ZNF75A: variants seen among roughly 807,000 people sequenced by gnomAD.
ZNF75A encodes the protein zinc finger protein 75A.
A neutral mutation model predicts 46.3 loss-of-function variants in ZNF75A; 36 were observed. The ratio of observed to expected loss-of-function variants is 0.78; its 90% CI spans 0.60 to 1.03. The LOEUF (loss-of-function observed/expected upper bound fraction) is 1.03, where lower values mean the gene tolerates loss of function less well. ZNF75A is among the 50% of genes least tolerant of loss of function. ZNF75A has a pLI of 0.00. For missense variants in ZNF75A, 595 were observed against 551.3 expected, an observed-to-expected ratio of 1.08 and a Z score of -0.79; for synonymous variants, 234 against 189.9, an observed-to-expected ratio of 1.23 and a Z score of -1.91.
chr16:3,311,150 C>A (rs1307001773), intron 2 of ZNF75A, among the ~76,000 whole-genome samples: 2 of 152,082 alleles, frequency 1.3e-5, no homozygotes, highest in Admixed American at 1.3e-4. Context: ...AATGAGTGGC[C>A]TGCCTGGCTG....
rs532175874 is a variant in ZNF75A at position 3,308,582 on chromosome 16, C to T, written c.154C>T (p.Arg52Trp). ...TCCTAAGAGCTCTTGCTGGCACTTCCGGAATTTCACCTATGATGAAGCAGG... is the reference window on the plus strand; with the variant it reads ...TCCTAAGAGCTCTTGCTGGCACTTCTGGAATTTCACCTATGATGAAGCAGG... ...LDPKSSCWHF[R>W]NFTYDEAGGP... Residue 52 changes from arginine to tryptophan, a missense_variant, in exon 2 of 7, where the codon CGG (arginine) becomes TGG (tryptophan). Physicochemically the swap from Arg to Trp is moderately radical, Grantham distance 101 (BLOSUM62 -3). Coordinates refer to ENST00000669516, the MANE Select transcript of ZNF75A (RefSeq NM_001302109.2). The T allele has an allele frequency of 3.7e-5, 36 of 985,930 alleles. No homozygotes were observed. The highest frequency in any genetic ancestry group is 1.2e-4 in the Admixed American group (2 of 16,288). 61.1% of individuals were successfully genotyped at this position (985,930 alleles called of 1,614,324 possible).
In ZNF75A at chr16:3,318,375, C is replaced by G; in HGVS notation, c.*506C>G. The G allele has an allele frequency of 2.0e-6, 2 of 987,374 alleles. No individual in the cohort carries two copies. The highest frequency in any genetic ancestry group is 9.3e-5 in the South Asian group (2 of 21,406). 61.2% of individuals were successfully genotyped at this position (987,374 alleles called of 1,614,324 possible). ...TGGATCCTGTTATCACAGTTTTTTA[C>G]TGTGATGAAATCTTGTTAACCACCA... On this transcript the variant is annotated 3_prime_UTR_variant, in exon 7 of 7. Transcript: ENST00000669516.
intron 5 of ZNF75A, among the ~76,000 whole-genome samples, chr16:3,314,234 C>G (rs1231739624): frequency 3.3e-5 from 5 of 152,116 alleles, no homozygotes; most frequent in Non-Finnish European, 7.4e-5. Flanking sequence ...TCAGGATTTT[C>G]TGTATTTTAG....
chr16:3,322,445 C>T (rs965873523), downstream of ZNF75A, among the ~76,000 whole-genome samples: 3 of 152,228 alleles, frequency 2.0e-5, no homozygotes, highest in Admixed American at 6.5e-5. Flanking sequence ...GTCTGTAAGG[C>T]TTTTCTCCTG....
chr16:3,323,002 C>T (rs1271362088), downstream of ZNF75A: 1 of 859,252 alleles, frequency 1.2e-6, no homozygotes, highest in Non-Finnish European at 1.4e-6. Flanking sequence ...TGGAACTGGA[C>T]TGTGATGAGA....
rs538574496 is a variant in ZNF75A at position 3,315,318 on chromosome 16, A to T, written c.824-1594A>T. On this transcript the variant is annotated intron_variant, in intron 5 of 6. Coordinates refer to ENST00000669516, the MANE Select transcript of ZNF75A (RefSeq NM_001302109.2). The stretch of plus-strand genomic sequence containing the variant: ...GCCATTCTCCTGCGTCAGCCTCCCA[A>T]GTAGCTGAGACTACAGGTGCCCGCC... Among the ~76,000 whole-genome samples, 703 of 151,552 alleles carry T rather than the reference A, an allele frequency of 4.6e-3. 8 individuals carry two copies. Among genetic ancestry groups the T allele is most frequent in the African/African-American group, 0.016 (671 of 41,268 alleles).
chr16:3,323,371 C>A (rs534408394), downstream of ZNF75A: 305 of 1,034,692 alleles, frequency 2.9e-4, no homozygotes, highest in African/African-American at 4.2e-3. Flanking sequence ...TGAGGTCTTC[C>A]AAGCAAATGA....
At position 3,318,780 on chromosome 16, in the gene ZNF75A, T is replaced by C. The variant is rs938087994; in HGVS notation, c.*911T>C. 3.0e-6 allele frequency: 3 copies of C among 985,436 alleles called. No homozygotes were observed. Among genetic ancestry groups the C allele is most frequent in the Non-Finnish European group, 3.6e-6 (3 of 829,942 alleles). The allele number at this position is 985,436 out of a possible 1,614,324, so 61.0% of individuals were successfully genotyped here. Reference sequence around the variant, plus strand: ...TGTGCTGCAGGCAGGATCCTGTGGCTCATTTGGCATGGAGACCTGGACATG... The same window carrying C: ...TGTGCTGCAGGCAGGATCCTGTGGCCCATTTGGCATGGAGACCTGGACATG... On this transcript the variant is annotated 3_prime_UTR_variant, in exon 7 of 7. Coordinates refer to ENST00000669516, the MANE Select transcript of ZNF75A (RefSeq NM_001302109.2).
In ZNF75A at chr16:3,317,201, A is replaced by T. The variant is rs779044046; in HGVS notation, c.946A>T (p.Lys316Ter). Residue 316 changes from lysine (K) to a stop codon, truncating the protein, a stop_gained, in exon 7 of 7, where the codon AAA becomes TAA. Transcript: ENST00000669516. LOFTEE classifies it high-confidence loss of function. ...AGKSPTGLKL[K>*]NDTENHQPVS... The stretch of plus-strand genomic sequence containing the variant: ...GTTTATTCCAACAGGGTTAAAGCTC[A>T]AAAACGACACTGAAAATCATCAGCC... The T allele has an allele frequency of 1.9e-6, 3 of 1,610,714 alleles. No individual in the cohort carries two copies. Among genetic ancestry groups the T allele is most frequent in the Non-Finnish European group, 1.7e-6 (2 of 1,178,326 alleles).
At chr16:3,320,337 C>T (rs575493615), downstream of ZNF75A, among the ~76,000 whole-genome samples, 6 of 152,360 alleles carry the variant, frequency 3.9e-5, no homozygotes, top group South Asian at 1.2e-3. Flanking sequence ...AGCCACCGCA[C>T]CTGGCCAACC....
intron 4 of ZNF75A, 87 bp from the exon 5 acceptor site, chr16:3,312,962 T>C (rs1960923843): frequency 1.4e-6 from 2 of 1,469,852 alleles, no homozygotes; most frequent in South Asian, 2.8e-5. Flanking sequence ...TTTTAATTCC[T>C]TTATCGCCTG....
In ZNF75A at chr16:3,311,814, G is replaced by C. The variant is rs547082158; in HGVS notation, c.470G>C (p.Ser157Thr). Residue 157 changes from serine (S) to threonine (T), a missense_variant, in exon 3 of 7, where the codon AGT becomes ACT. Coordinates refer to ENST00000669516, the MANE Select transcript of ZNF75A (RefSeq NM_001302109.2). ...TTGGGAGAAACAGCAGAGGCCTCAA[G>C]TTTCGGGCTGAAGCCAACAGAGTCC... ...VLLGETAEAS[S>T]FGLKPTESQP... 9.5e-7 allele frequency: 1 copy of C among 1,049,370 alleles called. No homozygotes were observed. The highest frequency in any genetic ancestry group is 1.2e-6 in the Non-Finnish European group (1 of 862,648). The allele number at this position is 1,049,370 out of a possible 1,614,324, so 65.0% of individuals were successfully genotyped here.
downstream of ZNF75A, chr16:3,322,801 G>T (rs761218956): frequency 1.8e-6 from 1 of 568,350 alleles, no homozygotes; most frequent in Middle Eastern, 9.1e-4. Flanking sequence ...TCAAAACAAG[G>T]ACCCAGGAAT....
chr16:3,315,223 G>A (rs530878629), intron 5 of ZNF75A: 5 of 361,020 alleles, frequency 1.4e-5, no homozygotes, highest in East Asian at 1.8e-4. Flanking sequence ...ATGGAGCCTC[G>A]CTCTGTCGCC....
chr16:3,310,697 G>A (rs919066680), intron 2 of ZNF75A: 3 of 985,560 alleles, frequency 3.0e-6, no homozygotes, highest in Non-Finnish European at 3.6e-6. Context: ...TAGAAAAAAG[G>A]GAAACAAAGA....
chr16:3,313,051 C>T lies in ZNF75A; in HGVS notation c.699C>T (p.Ser233=). The change falls in exon 5 of 7, where the codon AGC becomes AGT. Residue 233 remains serine, a splice_region_variant and synonymous_variant. Transcript: ENST00000669516. ...CTGAAGTCCATTCTCTTCTTTAGAG[C>T]TTGTTGACATTTGAAGAAGTGGCCA... ...TPEHVLPESQ[S]LLTFEEVAMY... 1 of 1,611,610 alleles carries T rather than the reference C, an allele frequency of 6.2e-7. No homozygotes were observed.
At position 3,313,038 on chromosome 16, in the gene ZNF75A, CTCT is replaced by C; in HGVS notation, c.697-6_697-4del. 6 of 1,608,368 alleles carry C rather than the reference CTCT, an allele frequency of 3.7e-6. No individual in the cohort carries two copies. Among genetic ancestry groups the C allele is most frequent in the Non-Finnish European group, 8.5e-7 (1 of 1,176,986 alleles). On this transcript the variant is annotated splice_polypyrimidine_tract_variant and splice_region_variant and intron_variant, in intron 4 of 6. Coordinates refer to ENST00000669516, the MANE Select transcript of ZNF75A (RefSeq NM_001302109.2). ...GGCAGGTTCTGAGCTGAAGTCCATT[CTCT>C]TCTTTAGAGCTTGTTGACATTTGAA...
At chr16:3,322,367 C>T (rs779089211), downstream of ZNF75A, among the ~76,000 whole-genome samples, 9 of 152,248 alleles carry the variant, frequency 5.9e-5, no homozygotes, top group Middle Eastern at 3.4e-3. Flanking sequence ...CCTAGGTTTC[C>T]TTCATGTATT....
intron 3 of ZNF75A, 87 bp downstream of exon 3, chr16:3,312,035 C>A: frequency 1.4e-6 from 1 of 698,032 alleles, no homozygotes; most frequent in Non-Finnish European, 1.8e-6. Context: ...TTTTGAATAC[C>A]CTGCTCTGTG....
Sources: allele counts gnomAD v4.1 joint callset (sites outside exome capture counted in the v4.1 genomes callset), GRCh38; gene constraint gnomAD v4.1.1; transcripts MANE v1.5; gene names NCBI Gene and HGNC (gene_info 2026-07-23, HGNC 2026-07-21).